ASTN2: variants seen among roughly 807,000 people sequenced by gnomAD.
ASTN2 encodes astrotactin-2.
Under a neutral mutation model 139.8 loss-of-function variants are expected in ASTN2, and 54 were observed. The observed-to-expected ratio is 0.39, with a 90% CI of 0.31 to 0.48. ASTN2 has a LOEUF of 0.48. Ranked by LOEUF, ASTN2 falls within the 20% of genes least tolerant of loss-of-function variation. ASTN2 has a pLI of 0.95. For missense variants in ASTN2, 1,565 were observed against 1,725.1 expected (o/e 0.91, Z 1.64); for synonymous variants, 756 against 719.5 (o/e 1.05, Z -0.81).
At chr9:116,763,547 T>A (rs1423675194) in intron 13 of ASTN2, among the ~76,000 whole-genome samples, 3 of 152,096 alleles carry the variant, frequency 2.0e-5, no homozygotes, top group Non-Finnish European at 4.4e-5. Context: ...GAGGGTATTC[T>A]ATGGAGGGTG....
rs78205652 is a variant in ASTN2, at chr9:117,409,444, C to T, written c.442+5053G>A. On this transcript the variant is annotated intron_variant, in intron 1 of 22. Transcript: ENST00000313400. Reference sequence around the variant, plus strand: ...GTCCATTCTTCGAATGTCTGCCAAACGGAGGTCCAGTCTGTGCTTGAATAC... The same window carrying T: ...GTCCATTCTTCGAATGTCTGCCAAATGGAGGTCCAGTCTGTGCTTGAATAC... Among the ~76,000 whole-genome samples the T allele has an allele frequency of 5.9e-5, 9 of 152,252 alleles. No individual in the cohort carries two copies. The East Asian group carries it at 9.7e-4, about 16-fold the overall frequency.
At chr9:116,884,475 C>T (rs373173213) in intron 10 of ASTN2, among the ~76,000 whole-genome samples, 8 of 152,126 alleles carry the variant, frequency 5.3e-5, no homozygotes, top group African/African-American at 1.9e-4. Flanking sequence ...TTCCCTTTGT[C>T]TTCACATGGT....
intron 7 of ASTN2, among the ~76,000 whole-genome samples, chr9:116,980,635 C>A (rs1279178676): frequency 2.0e-5 from 3 of 152,160 alleles, no homozygotes; most frequent in African/African-American, 7.2e-5. Context: ...AAATCCCTAA[C>A]CTCTGCTTTC....
chr9:117,240,254 T>C (rs993168903), intron 2 of ASTN2, among the ~76,000 whole-genome samples: 2 of 152,172 alleles, frequency 1.3e-5, no homozygotes, highest in Non-Finnish European at 2.9e-5. Context: ...TTCCTTGTCC[T>C]GTCTTCCTCA....
chr9:116,439,861 A>G (rs1196530217), intron 22 of ASTN2, among the ~76,000 whole-genome samples: 1 of 152,192 alleles, frequency 6.6e-6, no homozygotes, highest in African/African-American at 2.4e-5. Context: ...CCTGCTCTAC[A>G]TAACTGCCTG....
In ASTN2 at chr9:116,699,520, A is replaced by T. The variant is rs566141939; in HGVS notation, c.2806+26251T>A. ...GCTCGTGGTGATCTCATCGTGGCTGACAGTAGTCGCAAGGAAATTCTCCAT... is the reference window on the plus strand; with the variant it reads ...GCTCGTGGTGATCTCATCGTGGCTGTCAGTAGTCGCAAGGAAATTCTCCAT... On this transcript the variant is annotated intron_variant, in intron 16 of 22. Transcript: ENST00000313400. The surrounding 1 kb of genome is among the most constrained non-coding windows in gnomAD (Gnocchi z 4.2). 1 of 1,614,166 alleles carries T rather than the reference A, an allele frequency of 6.2e-7. No individual in the cohort carries two copies. The highest frequency in any genetic ancestry group is 8.5e-7 in the Non-Finnish European group (1 of 1,180,028).
chr9:117,203,014 G>T (rs1028464073), intron 3 of ASTN2, among the ~76,000 whole-genome samples: 1 of 151,750 alleles, frequency 6.6e-6, no homozygotes, highest in Non-Finnish European at 1.5e-5. Context: ...ACCACATTTC[G>T]TGCAGGCTTT....
At chr9:116,634,945 A>C (rs1056618943) in intron 17 of ASTN2, among the ~76,000 whole-genome samples, 7 of 151,134 alleles carry the variant, frequency 4.6e-5, no homozygotes, top group African/African-American at 1.7e-4. Flanking sequence ...AAAAAGAGAG[A>C]GAAGTGGGGG....
intron 19 of ASTN2, among the ~76,000 whole-genome samples, chr9:116,604,057 C>T (rs1202602300): frequency 6.6e-6 from 1 of 152,158 alleles, no homozygotes; most frequent in East Asian, 1.9e-4. Flanking sequence ...ACCTCAGCAC[C>T]CACCATACTA....
intron 5 of ASTN2, among the ~76,000 whole-genome samples, chr9:117,046,419 A>G (rs1318735665): frequency 6.6e-6 from 1 of 152,160 alleles, no homozygotes; most frequent in East Asian, 1.9e-4. Context: ...AAAAAAGGGT[A>G]GTGATAATCC....
chr9:117,280,827 G>T (rs1235183151), intron 2 of ASTN2, among the ~76,000 whole-genome samples: 2 of 151,984 alleles, frequency 1.3e-5, no homozygotes, highest in African/African-American at 2.4e-5. Context: ...AAATGTCTTG[G>T]GGGGAGACAC....
At chr9:117,061,183 A>ATTTT (rs2132688084) in intron 5 of ASTN2, among the ~76,000 whole-genome samples, 1 of 146,490 alleles carries the variant, frequency 6.8e-6, no homozygotes, top group Admixed American at 6.7e-5. Context: ...TTATTTATTT[A>ATTTT]TTTTAAAGAA....
chr9:117,144,148 G>A (rs910405159), intron 3 of ASTN2, among the ~76,000 whole-genome samples: 1 of 152,180 alleles, frequency 6.6e-6, no homozygotes, highest in African/African-American at 2.4e-5. Flanking sequence ...CAGACTGAGG[G>A]AAGGCTGTGA....
intron 19 of ASTN2, among the ~76,000 whole-genome samples, chr9:116,565,423 A>ATTTATTTATT (rs1175112977): frequency 8.4e-4 from 57 of 67,684 alleles, no homozygotes; most frequent in African/African-American, 3.1e-3. Context: ...ATATATATAT[A>ATTTATTTATT]TATATATTTA....
intron 17 of ASTN2, 117 bp downstream of exon 17, chr9:116,651,411 C>G: frequency 8.3e-7 from 1 of 1,201,140 alleles, no homozygotes; most frequent in Non-Finnish European, 1.2e-6. Flanking sequence ...TAGTAATCAC[C>G]ATGATGATGA....
chr9:116,573,327 A>G (rs540846562), intron 19 of ASTN2, among the ~76,000 whole-genome samples: 88 of 152,314 alleles, frequency 5.8e-4, no homozygotes, highest in Admixed American at 5.1e-3. Context: ...ATTACCTCCC[A>G]TGAGACATTA....
At position 116,872,630 on chromosome 9, in the gene ASTN2, A is replaced by ACT. The variant is rs200742997; in HGVS notation, c.1890-8899_1890-8898dup. On this transcript the variant is annotated intron_variant, in intron 10 of 22. Transcript: ENST00000313400. ...GTGAGGCCACAGGACCACAAAGATGACTCTCTCTCTCTTGCCAGACCTTGG... is the reference window on the plus strand; with the variant it reads ...GTGAGGCCACAGGACCACAAAGATGACTCTCTCTCTCTCTTGCCAGACCTTGG... 3.5e-3 allele frequency among the ~76,000 whole-genome samples: 524 copies of ACT among 151,836 alleles called. 1 individual carries two copies. Among genetic ancestry groups the ACT allele is most frequent in the South Asian group, 9.0e-3 (43 of 4,800 alleles).
At chr9:116,850,525 T>C (rs1221432158) in intron 11 of ASTN2, among the ~76,000 whole-genome samples, 1 of 152,148 alleles carries the variant, frequency 6.6e-6, no homozygotes, top group East Asian at 1.9e-4. Context: ...CCTATCTGAG[T>C]GACAATGAAC....
At chr9:116,485,543 T>G (rs955589877) in intron 20 of ASTN2, among the ~76,000 whole-genome samples, 2 of 152,234 alleles carry the variant, frequency 1.3e-5, no homozygotes, top group Admixed American at 1.3e-4. Context: ...TGGTGAGTGC[T>G]TACTGCTTAA....
Sources: allele counts gnomAD v4.1 joint callset (sites outside exome capture counted in the v4.1 genomes callset), GRCh38; gene constraint gnomAD v4.1.1; non-coding constraint Gnocchi (gnomAD v3.1); transcripts MANE v1.5; gene names NCBI Gene and HGNC (gene_info 2026-07-23, HGNC 2026-07-21).